Variants in HMG20A observed in about 807,000 individuals in gnomAD.
HMG20A encodes high mobility group protein 20A.
In HMG20A, 17 loss-of-function variants were observed where a neutral mutation model predicts 43.9. The observed-to-expected ratio is 0.39, with a 90% CI of 0.27 to 0.58. HMG20A has a LOEUF of 0.58. Ranked by LOEUF, HMG20A falls within the 20% of genes least tolerant of loss-of-function variation. The probability of loss-of-function intolerance (pLI) is 0.59; values close to 1 mark genes in which losing one functional copy is unlikely to be tolerated. For missense variants in HMG20A, 341 were observed against 438.2 expected (o/e 0.78, Z 1.98); for synonymous variants, 132 against 147.5 (o/e 0.89, Z 0.76).
chr15:77,471,636 G>A (rs980738054), intron 5 of HMG20A, 147 bp from the exon 6 acceptor site: 4 of 618,008 alleles, frequency 6.5e-6, no homozygotes, highest in South Asian at 3.9e-5. Context: ...TTGGCTGACC[G>A]ATTAATAAAG....
chr15:77,451,807 A>G (rs906523040), intron 1 of HMG20A, among the ~76,000 whole-genome samples: 1 of 152,212 alleles, frequency 6.6e-6, no homozygotes, highest in African/African-American at 2.4e-5. Flanking sequence ...TTTTATATAC[A>G]GAGGCCATGA....
intron 1 of HMG20A, among the ~76,000 whole-genome samples, chr15:77,452,776 T>TAAAAAC (rs2142314985): frequency 6.6e-6 from 1 of 151,126 alleles, no homozygotes; most frequent in South Asian, 2.1e-4. Flanking sequence ...TTAAAAACGT[T>TAAAAAC]TGTATTTCAA....
intron 2 of HMG20A, among the ~76,000 whole-genome samples, chr15:77,463,197 C>G (rs1330077166): frequency 2.0e-5 from 3 of 152,172 alleles, no homozygotes; most frequent in Non-Finnish European, 4.4e-5. Flanking sequence ...CAAGTTCTTT[C>G]TATCTGGAAT....
At chr15:77,456,407 G>A (rs755812319) in intron 1 of HMG20A, among the ~76,000 whole-genome samples, 3 of 152,202 alleles carry the variant, frequency 2.0e-5, no homozygotes, top group Middle Eastern at 6.8e-3. Flanking sequence ...AATCCCAGGC[G>A]TAGTGGCTCA....
At chr15:77,438,590 A>G (rs2073575835) in intron 1 of HMG20A, among the ~76,000 whole-genome samples, 1 of 152,150 alleles carries the variant, frequency 6.6e-6, no homozygotes, top group Admixed American at 6.5e-5. Context: ...TGCTTTCTCC[A>G]TCTTAGATGT....
rs201067501 is a variant in HMG20A at position 77,477,580 on chromosome 15, C to G, written c.641C>G (p.Ser214Cys). Residue 214 changes from serine to cysteine, a missense_variant, in exon 7 of 10, where the codon TCT (serine) becomes TGT (cysteine). Around this residue, in one of 3 missense-constraint regions of HMG20A, gnomAD observed 220 missense variants for 263.6 expected, o/e 0.83. Coordinates refer to ENST00000336216, the MANE Select transcript of HMG20A (RefSeq NM_001304504.2). ...AAAGAAACAGAGGTAAAGGAACGGTCTGTTTTTGACATCCCTATATTTACA... is the reference window on the plus strand; with the variant it reads ...AAAGAAACAGAGGTAAAGGAACGGTGTGTTTTTGACATCCCTATATTTACA... ...HEKETEVKER[S>C]VFDIPIFTEE... 54 of 1,611,964 alleles carry G rather than the reference C, an allele frequency of 3.3e-5. No homozygotes were observed. The highest frequency in any genetic ancestry group is 4.2e-5 in the Non-Finnish European group (49 of 1,178,436).
At chr15:77,514,456 CAT>C in the HMG20A span, among the ~76,000 whole-genome samples, 1 of 151,836 alleles carries the variant, frequency 6.6e-6, no homozygotes, top group Non-Finnish European at 1.5e-5. Context: ...TGGCTACACA[CAT>C]GTTTGCATAT....
At chr15:77,461,308 T>G (rs1268161570) in intron 2 of HMG20A, among the ~76,000 whole-genome samples, 1 of 152,020 alleles carries the variant, frequency 6.6e-6, no homozygotes, top group African/African-American at 2.4e-5. Flanking sequence ...TTTCCAGGGG[T>G]TGTGCTATAA....
rs1201959833 is a variant in HMG20A at position 77,484,746 on chromosome 15, A to G, written c.*1783A>G. 1.3e-5 allele frequency: 2 copies of G among 151,926 alleles called. No homozygotes were observed. Among genetic ancestry groups the G allele is most frequent in the African/African-American group, 4.8e-5 (2 of 41,328 alleles). 9.4% of individuals were successfully genotyped at this position (151,926 alleles called of 1,614,324 possible). A position where few individuals can be genotyped will look rare whatever the true frequency, so the allele number is the denominator to read the frequency against. On this transcript the variant is annotated 3_prime_UTR_variant, in exon 10 of 10. Transcript: ENST00000336216. The stretch of plus-strand genomic sequence containing the variant: ...TTCTCTTGCTCTTCTGTATTTTCCT[A>G]TTTCCCTGCCATCATCTGCTATTTC...
the HMG20A span, among the ~76,000 whole-genome samples, chr15:77,501,242 G>T: frequency 6.6e-6 from 1 of 152,272 alleles, no homozygotes; most frequent in African/African-American, 2.4e-5. Context: ...TCTTGCAAAG[G>T]TTAGAATGTC....
chr15:77,430,864 A>G (rs1406881920), intron 1 of HMG20A, among the ~76,000 whole-genome samples: 1 of 152,228 alleles, frequency 6.6e-6, no homozygotes, highest in Non-Finnish European at 1.5e-5. Context: ...GGAAATGATG[A>G]AGAAGTCTAA....
chr15:77,518,456 A>G, the HMG20A span, among the ~76,000 whole-genome samples: 107 of 152,206 alleles, frequency 7.0e-4, no homozygotes, highest in African/African-American at 2.3e-3. Flanking sequence ...CATCTCCACA[A>G]CTGTACACAG....
chr15:77,492,785 T>G, the HMG20A span, among the ~76,000 whole-genome samples: 1 of 151,924 alleles, frequency 6.6e-6, no homozygotes, highest in Non-Finnish European at 1.5e-5. Flanking sequence ...CACTCCAGCT[T>G]GGGTGACAGA....
At chr15:77,461,021 G>A (rs1054357744) in intron 2 of HMG20A, among the ~76,000 whole-genome samples, 1 of 151,814 alleles carries the variant, frequency 6.6e-6, no homozygotes, top group African/African-American at 2.4e-5. Context: ...GAAAGAATAG[G>A]AAGAATCAAC....
chr15:77,496,387 C>A, the HMG20A span, among the ~76,000 whole-genome samples: 1 of 152,222 alleles, frequency 6.6e-6, no homozygotes, highest in Non-Finnish European at 1.5e-5. Flanking sequence ...GTCTAGGAAG[C>A]AGCCTCAGAA....
chr15:77,502,606 A>T, the HMG20A span, among the ~76,000 whole-genome samples: 1 of 152,142 alleles, frequency 6.6e-6, no homozygotes, highest in African/African-American at 2.4e-5. Context: ...GACGACAGAG[A>T]TGGTATCTGT....
At chr15:77,459,109 T>G (rs945341708) in intron 2 of HMG20A, among the ~76,000 whole-genome samples, 14 of 152,240 alleles carry the variant, frequency 9.2e-5, no homozygotes, top group African/African-American at 3.4e-4. Context: ...ACTAATAGAC[T>G]GAAGTGCTAG....
intron 1 of HMG20A, among the ~76,000 whole-genome samples, chr15:77,447,345 G>A (rs921970157): frequency 2.4e-4 from 37 of 152,246 alleles, no homozygotes; most frequent in African/African-American, 7.9e-4. Flanking sequence ...TTTTCCCTGC[G>A]TTATCACCGT....
At chr15:77,436,518 G>A (rs2073550349) in intron 1 of HMG20A, among the ~76,000 whole-genome samples, 1 of 151,830 alleles carries the variant, frequency 6.6e-6, no homozygotes, top group Admixed American at 6.6e-5. Context: ...GAGTGCAGTG[G>A]CATGTTCTCG....
Sources: gnomAD v4.1 joint callset for allele counts (sites outside exome capture counted in the v4.1 genomes callset) on GRCh38, gnomAD v4.1.1 for gene constraint, gnomAD v4.1.1 regional missense constraint, MANE v1.5 for transcripts, NCBI Gene and HGNC (gene_info 2026-07-23, HGNC 2026-07-21) for gene names.